Variants in ITPK1 observed in about 807,000 individuals in gnomAD.
ITPK1 encodes inositol-tetrakisphosphate 1-kinase, also known as inositol 1,3,4-trisphosphate 5/6-kinase.
ITPK1 carries 21 observed loss-of-function variants against 45.3 expected under a neutral mutation model. The ratio of observed to expected loss-of-function variants is 0.46; its 90% confidence interval spans 0.33 to 0.67. The LOEUF (loss-of-function observed/expected upper bound fraction) is 0.67, where lower values mean the gene tolerates loss of function less well. ITPK1 is among the 30% of genes least tolerant of loss of function. The pLI is 0.02. For synonymous variants in ITPK1, 258 were observed against 253.6 expected, an observed-to-expected ratio of 1.02 and a Z score of -0.16; for missense variants, 474 against 573.5, an observed-to-expected ratio of 0.83 and a Z score of 1.77.
intron 5 of ITPK1, among the ~76,000 whole-genome samples, chr14:92,969,692 G>A (rs975078048): frequency 6.6e-6 from 1 of 152,226 alleles, no homozygotes; most frequent in Non-Finnish European, 1.5e-5. Flanking sequence ...AATAGAGACA[G>A]AATGAAGACT....
intron 2 of ITPK1, among the ~76,000 whole-genome samples, chr14:93,102,581 G>C (rs914785253): frequency 2.0e-5 from 3 of 152,114 alleles, no homozygotes; most frequent in African/African-American, 7.2e-5. Flanking sequence ...ACTTAAACCT[G>C]GGAGGTGGAG....
In ITPK1 at chr14:92,962,810, C is replaced by A. The variant is rs1239998758; in HGVS notation, c.404G>T (p.Ser135Ile). The A allele has an allele frequency of 6.2e-7, 1 of 1,614,002 alleles. No homozygotes were observed. Among genetic ancestry groups the A allele is most frequent in the Admixed American group, 1.7e-5 (1 of 60,002 alleles). ...CCGCATGGTGTCATCCCCGCACAGG[C>A]TCGTGAGCTCCATGAAGGGTGGCGA... ...ICSPPFMELT[S>I]LCGDDTMRLL... Residue 135 changes from serine to isoleucine, a missense_variant, in exon 6 of 11, where the codon AGC becomes ATC. By Grantham distance (142) the Ser-to-Ile change is moderately radical. This residue lies in a region of ITPK1 where 367 missense variants were observed against 480.6 expected (regional missense o/e 0.76). Coordinates refer to ENST00000267615, the MANE Select transcript of ITPK1 (RefSeq NM_014216.6).
chr14:93,105,840 ATTACAG>A lies in ITPK1; in HGVS notation c.95+9223_95+9228del. Among the ~76,000 whole-genome samples the A allele has an allele frequency of 1.3e-5, 2 of 151,324 alleles. 1 individual carries two copies. Among genetic ancestry groups the A allele is most frequent in the East Asian group, 3.9e-4 (2 of 5,130 alleles). ...TGCCTCAGCCTCCCGAGCAGCTGGG[ATTACAG>A]GTGCCAGTCACCACACCCAGCTGAT... is the stretch of plus-strand genomic sequence containing the variant. On this transcript the variant is annotated intron_variant, in intron 2 of 10. Transcript: ENST00000267615.
intron 3 of ITPK1, among the ~76,000 whole-genome samples, chr14:93,045,438 C>G (rs1005009561): frequency 2.0e-5 from 3 of 152,232 alleles, no homozygotes; most frequent in African/African-American, 7.2e-5. Flanking sequence ...CAGCAAATCA[C>G]CAGGATGGGG....
chr14:92,997,612 A>G (rs1887122800), intron 4 of ITPK1, among the ~76,000 whole-genome samples: 1 of 152,142 alleles, frequency 6.6e-6, no homozygotes, highest in South Asian at 2.1e-4. Context: ...TAGAATTACC[A>G]ATCTGCTGGG....
At chr14:93,041,260 T>G (rs1373073892) in intron 3 of ITPK1, among the ~76,000 whole-genome samples, 1 of 152,192 alleles carries the variant, frequency 6.6e-6, no homozygotes, top group East Asian at 1.9e-4. Flanking sequence ...CTCCAGGCCC[T>G]CTGTCCTACA....
intron 4 of ITPK1, among the ~76,000 whole-genome samples, chr14:93,000,994 A>G (rs1887319584): frequency 7.4e-6 from 1 of 135,816 alleles, no homozygotes; most frequent in Non-Finnish European, 1.6e-5. Context: ...AAAAAAAAAA[A>G]AAAGGCTGGG....
intron 2 of ITPK1, among the ~76,000 whole-genome samples, chr14:93,084,272 G>A (rs554141072): frequency 2.3e-4 from 35 of 152,350 alleles, no homozygotes; most frequent in African/African-American, 7.2e-4. Context: ...TCCAGCTAGC[G>A]CTGGTTCCCA....
chr14:93,099,018 G>GC (rs1175283244), intron 2 of ITPK1, among the ~76,000 whole-genome samples: 1 of 152,170 alleles, frequency 6.6e-6, no homozygotes, highest in Admixed American at 6.5e-5. Flanking sequence ...CAGCCCCTTT[G>GC]CCCGGGGCCC....
chr14:93,047,355 C>G (rs753966904), intron 3 of ITPK1, among the ~76,000 whole-genome samples: 2 of 152,224 alleles, frequency 1.3e-5, no homozygotes, highest in African/African-American at 2.4e-5. Context: ...ACAAGATAAG[C>G]TGAAGTCCTA....
At position 93,092,131 on chromosome 14, in the gene ITPK1, G is replaced by C. The variant is rs188166495; in HGVS notation, c.96-15512C>G. ...GGGACTTATCTGAGGTCACAGAGAA[G>C]TCAAGGGGAGATTAACACACTGTCA... On this transcript the variant is annotated intron_variant, in intron 2 of 10. Coordinates refer to ENST00000267615, the MANE Select transcript of ITPK1 (RefSeq NM_014216.6). Among the ~76,000 whole-genome samples, 186 of 152,324 alleles carry C rather than the reference G, an allele frequency of 1.2e-3. 3 individuals carry two copies. Among genetic ancestry groups the C allele is most frequent in the Non-Finnish European group, 3.1e-4 (21 of 68,026 alleles).
chr14:92,970,924 C>T (rs1462581948), intron 5 of ITPK1, among the ~76,000 whole-genome samples: 7 of 152,164 alleles, frequency 4.6e-5, no homozygotes, highest in South Asian at 4.1e-4. Flanking sequence ...CATGAGCCAC[C>T]GGGCCAGCCT....
intron 2 of ITPK1, among the ~76,000 whole-genome samples, chr14:93,105,984 C>G (rs985498317): frequency 6.6e-6 from 1 of 152,166 alleles, no homozygotes; most frequent in Non-Finnish European, 1.5e-5. Flanking sequence ...GGATTATAGG[C>G]GTGAGCCACC....
intron 4 of ITPK1, among the ~76,000 whole-genome samples, chr14:93,000,702 CGCGGTGGCTT>C (rs1265157679): frequency 6.6e-6 from 1 of 152,192 alleles, no homozygotes; most frequent in Non-Finnish European, 1.5e-5. Context: ...CACTGTGGCT[CGCGGTGGCTT>C]GCGCCTGTAA....
chr14:92,956,121 CT>C (rs5810617), intron 8 of ITPK1, among the ~76,000 whole-genome samples: 29,372 of 138,998 alleles, frequency 0.21, 2,962 homozygotes, highest in East Asian at 0.31. Context: ...GCTTAGTCTG[CT>C]TTTTTTTTTT....
At chr14:93,095,146 C>T (rs1892022923) in intron 2 of ITPK1, among the ~76,000 whole-genome samples, 1 of 152,164 alleles carries the variant, frequency 6.6e-6, no homozygotes. Flanking sequence ...TGCTCCAGCA[C>T]CCCGCATGGT....
intron 3 of ITPK1, among the ~76,000 whole-genome samples, chr14:93,072,317 T>A (rs1220367588): frequency 6.6e-6 from 1 of 150,438 alleles, no homozygotes; most frequent in Non-Finnish European, 1.5e-5. Flanking sequence ...AAAAAAAAAA[T>A]TAAATAAGTA....
intron 3 of ITPK1, among the ~76,000 whole-genome samples, chr14:93,025,592 A>G (rs1888696377): frequency 6.6e-6 from 1 of 152,148 alleles, no homozygotes; most frequent in Non-Finnish European, 1.5e-5. Flanking sequence ...TTACTTACCC[A>G]TCTTTTACCC....
chr14:93,093,951 A>G (rs1416812122), intron 2 of ITPK1, among the ~76,000 whole-genome samples: 1 of 152,262 alleles, frequency 6.6e-6, no homozygotes, highest in Non-Finnish European at 1.5e-5. Context: ...ACCCGGCCTC[A>G]AAGGGATCCT....
Sources: allele counts gnomAD v4.1 joint callset (sites outside exome capture counted in the v4.1 genomes callset), GRCh38; gene constraint gnomAD v4.1.1; regional missense constraint gnomAD v4.1.1; transcripts MANE v1.5; gene names NCBI Gene and HGNC (gene_info 2026-07-23, HGNC 2026-07-21).